The following QSOX2 variants were observed in gnomAD, a reference collection of about 807,000 sequenced individuals.
QSOX2 encodes quiescin sulfhydryl oxidase 2, also known as sulfhydryl oxidase 2.
A neutral mutation model predicts 61.7 loss-of-function variants in QSOX2; 46 were observed. The ratio of observed to expected loss-of-function variants is 0.75; its 90% CI spans 0.59 to 0.95. The LOEUF is 0.95. Among genes scored for constraint, QSOX2 ranks in the 40% least tolerant of loss-of-function variants. QSOX2 has a pLI of 0.00. For missense variants in QSOX2, 879 were observed against 918.9 expected, an observed-to-expected ratio of 0.96 and a Z score of 0.56; for synonymous variants, 383 against 388.4, an observed-to-expected ratio of 0.99 and a Z score of 0.16.
At position 136,219,255 on chromosome 9, in the gene QSOX2, C is replaced by G. The variant is rs1368064595; in HGVS notation, c.822-91G>C. On this transcript the variant is annotated intron_variant, in intron 6 of 11. Transcript: ENST00000358701. Reference sequence around the variant, plus strand: ...GGCATTCAGGACAGCTCTGGGCCACCCCTTTCATCCTTTGGGCATTTATTG... The same window carrying G: ...GGCATTCAGGACAGCTCTGGGCCACGCCTTTCATCCTTTGGGCATTTATTG... 1.1e-5 allele frequency: 16 copies of G among 1,444,140 alleles called. No homozygotes were observed. In the Middle Eastern group the frequency reaches 6.7e-4, roughly 60 times the overall value. 89.5% of individuals were successfully genotyped at this position (1,444,140 alleles called of 1,614,324 possible).
intron 1 of QSOX2, among the ~76,000 whole-genome samples, chr9:136,231,322 G>A (rs186802897): frequency 5.9e-5 from 9 of 152,356 alleles, no homozygotes; most frequent in East Asian, 5.8e-4. Context: ...TCCCCGTCAC[G>A]CAGGTGACAT....
intron 11 of QSOX2, chr9:136,210,603 C>CG (rs1478512261): frequency 4.1e-6 from 4 of 985,326 alleles, no homozygotes; most frequent in Non-Finnish European, 4.8e-6. Context: ...ACCCCGGCCC[C>CG]GGCAGTCAGG....
chr9:136,245,535 CACG>C lies in QSOX2; in HGVS notation c.266_268del (p.Ser89del). 1.3e-6 allele frequency: 2 copies of C among 1,593,762 alleles called. No homozygotes were observed. On this transcript the variant is annotated inframe_deletion, in exon 1 of 12. Coordinates refer to ENST00000358701, the MANE Select transcript of QSOX2 (RefSeq NM_181701.4). ...CGCGTAGCCGATGCAGTGGCCACAC[CACG>C]ACGAGTAGAACTGCACGAGCCACGC...
At chr9:136,216,471 G>A (rs1465244839) in intron 9 of QSOX2, 129 bp downstream of exon 9, 23 of 1,278,170 alleles carry the variant, frequency 1.8e-5, no homozygotes, top group Non-Finnish European at 2.5e-5. Flanking sequence ...CGTGGAGACA[G>A]TAAGTCACTG....
intron 1 of QSOX2, among the ~76,000 whole-genome samples, chr9:136,238,962 G>A (rs554881133): frequency 5.3e-5 from 8 of 152,106 alleles, no homozygotes; most frequent in Admixed American, 2.0e-4. Flanking sequence ...AAGCCAACCC[G>A]GACCACACGA....
chr9:136,236,147 C>A (rs1466459872), intron 1 of QSOX2, among the ~76,000 whole-genome samples: 2 of 152,178 alleles, frequency 1.3e-5, no homozygotes, highest in South Asian at 4.1e-4. Flanking sequence ...CTCAGCTGTC[C>A]CAGGCATCGT....
intron 1 of QSOX2, 131 bp downstream of exon 1, chr9:136,245,345 G>A: frequency 1.3e-6 from 1 of 763,298 alleles, no homozygotes; most frequent in Non-Finnish European, 2.0e-6. Flanking sequence ...GTGGGGCAGG[G>A]ACTGGCTCTG....
In QSOX2 at chr9:136,222,635, C is replaced by T. The variant is rs1830229876; in HGVS notation, c.676-694G>A. On this transcript the variant is annotated intron_variant, in intron 5 of 11. Transcript: ENST00000358701. This position sits in a 1 kb window ranked among gnomAD's most constrained non-coding sequence, Gnocchi z 6.9. ...GAAGAGCTGATCGCTACTCTGGGGC[C>T]ACACTGGTCTCTGCTCTGGGCCATG... Among the ~76,000 whole-genome samples, 1 of 152,204 alleles carries T rather than the reference C, an allele frequency of 6.6e-6. No individual in the cohort carries two copies. Among genetic ancestry groups the T allele is most frequent in the Non-Finnish European group, 1.5e-5 (1 of 68,040 alleles).
chr9:136,218,536 G>GGGGCGT (rs1831940635), intron 8 of QSOX2, 143 bp downstream of exon 8: 2 of 966,770 alleles, frequency 2.1e-6, no homozygotes, highest in Non-Finnish European at 3.0e-6. Flanking sequence ...GGAATGAGTT[G>GGGGCGT]GGGCGTGGGC....
intron 10 of QSOX2, among the ~76,000 whole-genome samples, chr9:136,214,923 C>T (rs1428856474): frequency 3.3e-5 from 5 of 152,222 alleles, no homozygotes; most frequent in Non-Finnish European, 7.3e-5. Context: ...TTATTTCCTG[C>T]ACGTTAGCCA....
rs1831794486 is a variant in QSOX2, at chr9:136,208,207, C to G, written c.*521G>C. On this transcript the variant is annotated 3_prime_UTR_variant, in exon 12 of 12. Transcript: ENST00000358701. ...AGGCCGACTGCGCTTCCGGCTCTGT[C>G]TGTCCCCGCCCGGCTAAAGGAAAAC... The G allele has an allele frequency of 7.0e-6, 1 of 143,156 alleles. No individual in the cohort carries two copies. The highest frequency in any genetic ancestry group is 1.5e-5 in the Non-Finnish European group (1 of 65,598). 8.9% of individuals were successfully genotyped at this position (143,156 alleles called of 1,614,324 possible).
intron 6 of QSOX2, 147 bp from the exon 7 acceptor site, chr9:136,219,311 C>T (rs1282194467): frequency 1.0e-6 from 1 of 979,904 alleles, no homozygotes; most frequent in Non-Finnish European, 1.4e-6. Context: ...ACAGCTGACA[C>T]CCCGCCTGGG....
chr9:136,237,587 G>A (rs868842891), intron 1 of QSOX2, among the ~76,000 whole-genome samples: 3 of 139,532 alleles, frequency 2.2e-5, no homozygotes, highest in East Asian at 2.2e-4. Context: ...CCTGGAGCCC[G>A]TCCTGTGCCA....
At chr9:136,213,243 G>GTTTTT (rs398046934) in intron 10 of QSOX2, among the ~76,000 whole-genome samples, 12 of 111,024 alleles carry the variant, frequency 1.1e-4, no homozygotes, top group Non-Finnish European at 1.4e-4. Context: ...GTTTTGTTGT[G>GTTTTT]TTTTTTTTTT....
At chr9:136,211,512 C>T (rs932618243) in intron 10 of QSOX2, 60 bp from the exon 11 acceptor site, 7 of 1,563,222 alleles carry the variant, frequency 4.5e-6, no homozygotes, top group South Asian at 1.1e-5. Flanking sequence ...TGACCCCACG[C>T]TTGTCCAGAG....
chr9:136,245,554 C>T lies in QSOX2; in HGVS notation c.250G>A (p.Val84Met), dbSNP rs1251918445. 3 of 1,582,456 alleles carry T rather than the reference C, an allele frequency of 1.9e-6. No individual in the cohort carries two copies. The highest frequency in any genetic ancestry group is 1.1e-5 in the South Asian group (1 of 90,012). The change falls in exon 1 of 12, where the codon GTG becomes ATG. Residue 84 changes from valine (V) to methionine (M), a missense_variant. Physicochemically the swap from Val to Met is conservative, Grantham distance 21. Transcript: ENST00000358701. ...CCACACCACGACGAGTAGAACTGCACGAGCCACGCGGCCGAGCTGTTGGCG... is the reference window on the plus strand; with the variant it reads ...CCACACCACGACGAGTAGAACTGCATGAGCCACGCGGCCGAGCTGTTGGCG... The part of the protein sequence containing the change: ...ATANSSAAWL[V>M]QFYSSWCGHC...
At position 136,208,933 on chromosome 9, in the gene QSOX2, C is replaced by A. The variant is rs747685953; in HGVS notation, c.1892G>T (p.Gly631Val). Residue 631 changes from glycine (G) to valine (V), a missense_variant, in exon 12 of 12, where the codon GGG becomes GTG. Coordinates refer to ENST00000358701, the MANE Select transcript of QSOX2 (RefSeq NM_181701.4). ...LPESLHHSLD[G>V]KLQSLDGPGA... ...GGGCCCATCCAGACTCTGGAGTTTC[C>A]CGTCCAAGCTGTGATGCAAGCTCTC... The A allele has an allele frequency of 1.9e-6, 3 of 1,613,796 alleles. No homozygotes were observed. The highest frequency in any genetic ancestry group is 2.5e-6 in the Non-Finnish European group (3 of 1,179,892).
chr9:136,222,289 G>A lies in QSOX2; in HGVS notation c.676-348C>T, dbSNP rs894018164. ...CACAGCAGCCACACCCCACGGCCTC[G>A]CACTCCCGTCCCGCGTGTGGAAGCT... On this transcript the variant is annotated intron_variant, in intron 5 of 11. Coordinates refer to ENST00000358701, the MANE Select transcript of QSOX2 (RefSeq NM_181701.4). The surrounding 1 kb of genome is among the most constrained non-coding windows in gnomAD (Gnocchi z 6.9). 5.3e-5 allele frequency among the ~76,000 whole-genome samples: 8 copies of A among 152,142 alleles called. No individual in the cohort carries two copies. Among genetic ancestry groups the A allele is most frequent in the South Asian group, 2.1e-4 (1 of 4,822 alleles).
intron 1 of QSOX2, among the ~76,000 whole-genome samples, chr9:136,236,252 ACTG>A (rs1367153415): frequency 6.6e-6 from 1 of 152,226 alleles, no homozygotes; most frequent in African/African-American, 2.4e-5. Context: ...CGGAGACAGG[ACTG>A]GCTGCTGCCC....
Sources: allele counts gnomAD v4.1 joint callset (sites outside exome capture counted in the v4.1 genomes callset), GRCh38; gene constraint gnomAD v4.1.1; non-coding constraint Gnocchi (gnomAD v3.1); transcripts MANE v1.5; gene names NCBI Gene and HGNC (gene_info 2026-07-23, HGNC 2026-07-21).